The following ZFHX3 variants were observed in gnomAD, a reference collection of about 807,000 sequenced individuals.
ZFHX3 encodes zinc finger homeobox 3.
A neutral mutation model predicts 279.1 loss-of-function variants in ZFHX3; 42 were observed. That is an observed-to-expected ratio of 0.15 (90% CI 0.12 to 0.19). The LOEUF is 0.19. ZFHX3 is among the 10% of genes least tolerant of loss of function. The pLI is 1.00. For synonymous variants in ZFHX3, 2,293 were observed against 1,957.8 expected (o/e 1.17, Z -4.52); for missense variants, 4,981 against 4,754.0 (o/e 1.05, Z -1.40).
chr16:73,218,762 CT>C (rs1424614719), intron 5 of ZFHX3, among the ~76,000 whole-genome samples: 3 of 152,162 alleles, frequency 2.0e-5, no homozygotes, highest in African/African-American at 4.8e-5. Flanking sequence ...GAGCGAGACC[CT>C]GTCTCAAAAA....
At chr16:72,942,835 C>G (rs1960475031) in intron 3 of ZFHX3, among the ~76,000 whole-genome samples, 1 of 152,156 alleles carries the variant, frequency 6.6e-6, no homozygotes, top group African/African-American at 2.4e-5. Context: ...TCTGGAAACT[C>G]TCTCATCCTG....
Position 73,642,606 on chromosome 16 carries a change from C to T in ZFHX3, c.-1547+37574G>A, listed in dbSNP as rs2052583812. ...GGCATATAAAAATGCAACACACACA[C>T]CACTGGTGTGTTCCTTTATGTGTTA... On this transcript the variant is annotated intron_variant, in intron 2 of 17. Coordinates refer to the ZFHX3 transcript ENST00000641206. 2.0e-5 allele frequency among the ~76,000 whole-genome samples: 3 copies of T among 152,204 alleles called. No individual in the cohort carries two copies. The South Asian group carries it at 6.2e-4, about 32-fold the overall frequency.
intron 2 of ZFHX3, among the ~76,000 whole-genome samples, chr16:73,600,413 C>T (rs2052099642): frequency 8.1e-6 from 1 of 124,058 alleles, no homozygotes; most frequent in Non-Finnish European, 1.6e-5. Context: ...ACCTTGGTCT[C>T]TCTACTTTTT....
At chr16:72,893,686 C>T (rs764971628) in intron 3 of ZFHX3, among the ~76,000 whole-genome samples, 11 of 152,166 alleles carry the variant, frequency 7.2e-5, no homozygotes, top group Non-Finnish European at 1.3e-4. Context: ...GCATGCATTA[C>T]AAATAGTGGA....
At chr16:73,847,882 C>T (rs1961488499) in intron 1 of ZFHX3, among the ~76,000 whole-genome samples, 1 of 148,596 alleles carries the variant, frequency 6.7e-6, no homozygotes, top group Non-Finnish European at 1.5e-5. Flanking sequence ...GGAGTACGGG[C>T]ACGTGCCACT....
intron 7 of ZFHX3, among the ~76,000 whole-genome samples, chr16:73,102,715 C>T (rs542263784): frequency 2.0e-5 from 3 of 152,292 alleles, no homozygotes; most frequent in South Asian, 4.1e-4. Flanking sequence ...CCAGCTCTAT[C>T]GCTTATTGGA....
At chr16:73,615,183 G>A (rs1047588218) in intron 2 of ZFHX3, among the ~76,000 whole-genome samples, 1 of 151,762 alleles carries the variant, frequency 6.6e-6, no homozygotes, top group African/African-American at 2.4e-5. Flanking sequence ...AGGGGCCCCG[G>A]GCAGGAGTTT....
chr16:73,098,775 T>C (rs1966197034), intron 7 of ZFHX3: 1 of 152,244 alleles, frequency 6.6e-6, no homozygotes, highest in Admixed American at 6.5e-5. Flanking sequence ...CAAAGCCATT[T>C]ATGCCTGGGA....
At chr16:73,000,970 A>C (rs563336255) in intron 1 of ZFHX3, among the ~76,000 whole-genome samples, 1 of 152,278 alleles carries the variant, frequency 6.6e-6, no homozygotes, top group East Asian at 1.9e-4. Context: ...GGCAGCCTCT[A>C]AGCCAGATCC....
At chr16:73,714,559 C>G (rs2053396065) in intron 1 of ZFHX3, among the ~76,000 whole-genome samples, 2 of 152,196 alleles carry the variant, frequency 1.3e-5, no homozygotes, top group African/African-American at 4.8e-5. Flanking sequence ...TCTCCCGATT[C>G]TCTTCCTGCC....
At chr16:73,338,559 G>A (rs2015962011) in intron 3 of ZFHX3, among the ~76,000 whole-genome samples, 1 of 151,960 alleles carries the variant, frequency 6.6e-6, no homozygotes, top group Admixed American at 6.6e-5. Flanking sequence ...ACAGACTACA[G>A]TATCCCGAAA....
intron 1 of ZFHX3, among the ~76,000 whole-genome samples, chr16:73,747,021 C>G (rs1008046359): frequency 4.6e-5 from 7 of 152,016 alleles, no homozygotes; most frequent in Non-Finnish European, 1.5e-5. Context: ...AATGGAGCAC[C>G]TTTGTTTCAC....
At chr16:73,758,906 G>A (rs150887823) in intron 1 of ZFHX3, among the ~76,000 whole-genome samples, 1,924 of 152,332 alleles carry the variant, frequency 0.013, 16 homozygotes, top group Non-Finnish European at 0.019. Flanking sequence ...CTGTAAGGCA[G>A]ATACTATTAT....
At chr16:73,844,181 A>G (rs373207021) in intron 1 of ZFHX3, among the ~76,000 whole-genome samples, 3 of 152,368 alleles carry the variant, frequency 2.0e-5, no homozygotes, top group East Asian at 1.9e-4. Flanking sequence ...ACCACATGAA[A>G]TAACAATAAG....
chr16:73,406,584 C>T (rs895828672), intron 3 of ZFHX3, among the ~76,000 whole-genome samples: 6 of 152,214 alleles, frequency 3.9e-5, no homozygotes, highest in Non-Finnish European at 8.8e-5. Context: ...TTCTGTTTAA[C>T]ATTTGTTACA....
chr16:73,769,646 T>A (rs920463416), intron 1 of ZFHX3, among the ~76,000 whole-genome samples: 7 of 152,168 alleles, frequency 4.6e-5, no homozygotes, highest in African/African-American at 1.7e-4. Flanking sequence ...AAAATGGGAA[T>A]TTCTACCTTT....
intron 1 of ZFHX3, among the ~76,000 whole-genome samples, chr16:73,806,746 C>G (rs574762114): frequency 3.1e-4 from 47 of 152,164 alleles, no homozygotes; most frequent in Non-Finnish European, 4.3e-4. Context: ...CAAAATGTTA[C>G]ACTTTTTAAA....
At chr16:73,194,202 T>C (rs1360297790) in intron 5 of ZFHX3, among the ~76,000 whole-genome samples, 1 of 152,116 alleles carries the variant, frequency 6.6e-6, no homozygotes, top group East Asian at 1.9e-4. Context: ...CTTCCTTTAT[T>C]TTGTTTATTT....
In ZFHX3 at chr16:72,795,616, C is replaced by G; in HGVS notation, c.7066G>C (p.Asp2356His). 1 of 1,613,746 alleles carries G rather than the reference C, an allele frequency of 6.2e-7. No homozygotes were observed. Among genetic ancestry groups the G allele is most frequent in the Non-Finnish European group, 8.5e-7 (1 of 1,179,866 alleles). The change falls in exon 9 of 10, where the codon GAT becomes CAT. Residue 2356 changes from aspartate (D) to histidine (H), a missense_variant. Coordinates refer to ENST00000268489, the MANE Select transcript of ZFHX3 (RefSeq NM_006885.4). ...HQKKLCYKDEDEEGQDDSQNE... is the reference protein window; with the variant it reads ...HQKKLCYKDEHEEGQDDSQNE... ...TGGCTGTCGTCCTGCCCCTCCTCATCCTCATCCTTGTAACACAGCTTCTTC... is the reference window on the plus strand; with the variant it reads ...TGGCTGTCGTCCTGCCCCTCCTCATGCTCATCCTTGTAACACAGCTTCTTC...
Sources: allele counts gnomAD v4.1 joint callset (sites outside exome capture counted in the v4.1 genomes callset), GRCh38; gene constraint gnomAD v4.1.1; transcripts MANE v1.5; gene names NCBI Gene and HGNC (gene_info 2026-07-23, HGNC 2026-07-21).